Variants in PRKAG2 observed in about 807,000 individuals in gnomAD.
PRKAG2 encodes 5'-AMP-activated protein kinase subunit gamma-2.
Under a neutral mutation model 69.6 loss-of-function variants are expected in PRKAG2, and 26 were observed. The observed-to-expected ratio is 0.37, with a 90% CI of 0.27 to 0.52. The LOEUF is 0.52. Ranked by LOEUF, PRKAG2 falls within the 20% of genes least tolerant of loss-of-function variation. PRKAG2 has a pLI of 0.90. For synonymous variants in PRKAG2, 293 were observed against 285.0 expected, an observed-to-expected ratio of 1.03 and a Z score of -0.28; for missense variants, 557 against 740.0, an observed-to-expected ratio of 0.75 and a Z score of 2.87.
intron 1 of PRKAG2, among the ~76,000 whole-genome samples, chr7:151,839,334 G>A (rs1410750580): frequency 2.6e-5 from 4 of 152,206 alleles, no homozygotes; most frequent in Admixed American, 2.0e-4. Flanking sequence ...CGGGCACCGC[G>A]GTCGGAACTC....
chr7:151,591,752 G>T (rs931603815), intron 6 of PRKAG2, among the ~76,000 whole-genome samples: 5 of 152,166 alleles, frequency 3.3e-5, no homozygotes, highest in African/African-American at 1.2e-4. Context: ...ACCCAGCAAG[G>T]TTGATATTAG....
intron 1 of PRKAG2, among the ~76,000 whole-genome samples, chr7:151,855,260 A>ACACACACCACCCTC (rs2079712742): frequency 6.1e-5 from 3 of 49,360 alleles, no homozygotes; most frequent in African/African-American, 1.5e-4. Context: ...ACCACCCTCC[A>ACACACACCACCCTC]CACACACCAC....
chr7:151,800,050 C>T (rs936830019), intron 1 of PRKAG2, among the ~76,000 whole-genome samples: 2 of 151,788 alleles, frequency 1.3e-5, no homozygotes, highest in African/African-American at 4.8e-5. Flanking sequence ...GCCTAACCAG[C>T]TGTGTCATTT....
At chr7:151,649,401 C>T (rs1828094529) in intron 4 of PRKAG2, among the ~76,000 whole-genome samples, 1 of 152,280 alleles carries the variant, frequency 6.6e-6, no homozygotes, top group Middle Eastern at 3.4e-3. Flanking sequence ...GCTGGGATTA[C>T]AGGTGTGAAC....
intron 3 of PRKAG2, among the ~76,000 whole-genome samples, chr7:151,716,042 T>G (rs1201041052): frequency 6.6e-6 from 1 of 152,176 alleles, no homozygotes; most frequent in African/African-American, 2.4e-5. Context: ...TGGAGCTCGA[T>G]TGCCCTTGAG....
chr7:151,870,138 T>C (rs1364864458), intron 1 of PRKAG2, among the ~76,000 whole-genome samples: 1 of 129,782 alleles, frequency 7.7e-6, no homozygotes, highest in Non-Finnish European at 1.7e-5. Flanking sequence ...GATAGATAGA[T>C]AGATAGATAG....
intron 3 of PRKAG2, among the ~76,000 whole-genome samples, chr7:151,691,484 TA>T (rs56411327): frequency 0.63 from 87,190 of 137,804 alleles, 26,736 homozygotes; most frequent in Middle Eastern, 0.77. Flanking sequence ...AAAAACTCAG[TA>T]AAAAAAAAAA....
At chr7:151,768,953 C>G (rs531985266) in intron 3 of PRKAG2, among the ~76,000 whole-genome samples, 10 of 152,358 alleles carry the variant, frequency 6.6e-5, no homozygotes, top group Admixed American at 2.0e-4. Context: ...AAGACCTCAA[C>G]AGACTTGGAG....
Position 151,632,823 on chromosome 7 carries a change from G to C in PRKAG2, c.685-685C>G, listed in dbSNP as rs2151330722. On this transcript the variant is annotated intron_variant, in intron 4 of 15. Coordinates refer to ENST00000287878, the MANE Select transcript of PRKAG2 (RefSeq NM_016203.4). The surrounding 1 kb of genome is among the most constrained non-coding windows in gnomAD (Gnocchi z 4.2). Reference sequence around the variant, plus strand: ...GTCGCTATCCATTTTTTTTTTTCCAGCATGGAACTCTTAATTCGCGTCCTC... The same window carrying C: ...GTCGCTATCCATTTTTTTTTTTCCACCATGGAACTCTTAATTCGCGTCCTC... The C allele has an allele frequency of 6.5e-6, 1 of 153,486 alleles. No individual in the cohort carries two copies. Among genetic ancestry groups the C allele is most frequent in the East Asian group, 1.9e-4 (1 of 5,180 alleles). 9.5% of individuals were successfully genotyped at this position (153,486 alleles called of 1,614,324 possible).
intron 3 of PRKAG2, among the ~76,000 whole-genome samples, chr7:151,714,031 C>G (rs1038231811): frequency 2.0e-5 from 3 of 152,174 alleles, no homozygotes; most frequent in African/African-American, 7.2e-5. Context: ...AGGATTCTCA[C>G]AGACAGTCAA....
intron 1 of PRKAG2, among the ~76,000 whole-genome samples, chr7:151,821,629 C>A (rs2078782737): frequency 6.6e-6 from 1 of 151,986 alleles, no homozygotes; most frequent in Admixed American, 6.5e-5. Flanking sequence ...TACAAATTGC[C>A]CTCTATAACA....
At chr7:151,796,357 G>A (rs1460802876) in intron 1 of PRKAG2, among the ~76,000 whole-genome samples, 2 of 152,290 alleles carry the variant, frequency 1.3e-5, no homozygotes, top group African/African-American at 2.4e-5. Flanking sequence ...GGACAAAGAC[G>A]GATGTGAAGG....
At chr7:151,594,274 T>G (rs56188012) in intron 6 of PRKAG2, among the ~76,000 whole-genome samples, 5,385 of 152,304 alleles carry the variant, frequency 0.035, 316 homozygotes, top group African/African-American at 0.12. Context: ...AACCCATGAA[T>G]TCTTGGTTTA....
chr7:151,591,402 G>A (rs1813102960), intron 6 of PRKAG2, among the ~76,000 whole-genome samples: 1 of 152,228 alleles, frequency 6.6e-6, no homozygotes, highest in Non-Finnish European at 1.5e-5. Flanking sequence ...ATAGCGGTGT[G>A]GGCTGGACTA....
intron 1 of PRKAG2, among the ~76,000 whole-genome samples, chr7:151,861,182 C>T (rs1197061418): frequency 2.6e-5 from 4 of 152,172 alleles, no homozygotes; most frequent in African/African-American, 9.7e-5. Flanking sequence ...GCAAATTATT[C>T]AGCCAAAGCC....
intron 4 of PRKAG2, among the ~76,000 whole-genome samples, chr7:151,672,227 A>G (rs1832163653): frequency 6.6e-6 from 1 of 151,820 alleles, no homozygotes; most frequent in African/African-American, 2.4e-5. Flanking sequence ...TCAGCCTCCC[A>G]AGTAGCTGGG....
At chr7:151,849,154 C>T (rs1038433014) in intron 1 of PRKAG2, among the ~76,000 whole-genome samples, 8 of 152,208 alleles carry the variant, frequency 5.3e-5, no homozygotes, top group African/African-American at 1.4e-4. Flanking sequence ...GTTGGGGAAA[C>T]GAAGACGCAG....
At chr7:151,745,579 G>A (rs2074228292) in intron 3 of PRKAG2, among the ~76,000 whole-genome samples, 2 of 152,118 alleles carry the variant, frequency 1.3e-5, no homozygotes, top group Non-Finnish European at 1.5e-5. Context: ...GTGACAAGAG[G>A]GTGATTTTTT....
intron 3 of PRKAG2, 22 bp from the exon 4 acceptor site, chr7:151,675,659 C>T (rs375714343): frequency 9.2e-5 from 146 of 1,591,982 alleles, no homozygotes; most frequent in East Asian, 5.8e-4. Flanking sequence ...ACACCAAGGA[C>T]GGTCAGAGGT....
Sources: gnomAD v4.1 joint callset for allele counts (sites outside exome capture counted in the v4.1 genomes callset) on GRCh38, gnomAD v4.1.1 for gene constraint, Gnocchi (gnomAD v3.1) non-coding constraint, MANE v1.5 for transcripts, NCBI Gene and HGNC (gene_info 2026-07-23, HGNC 2026-07-21) for gene names.